Variants in KIT observed in about 807,000 individuals in gnomAD.
KIT encodes KIT proto-oncogene, receptor tyrosine kinase, also known as mast/stem cell growth factor receptor Kit.
A neutral mutation model predicts 105.7 loss-of-function variants in KIT; 16 were observed. The ratio of observed to expected loss-of-function variants is 0.15; its 90% CI spans 0.10 to 0.23. The LOEUF (loss-of-function observed/expected upper bound fraction) is 0.23. KIT is among the 10% of genes least tolerant of loss of function. The probability of loss-of-function intolerance (pLI) is 1.00; values close to 1 mark genes in which losing one functional copy is unlikely to be tolerated. For missense variants in KIT, 858 were observed against 1,213.8 expected (o/e 0.71, Z 4.36); for synonymous variants, 438 against 441.1 (o/e 0.99, Z 0.09).
chr4:54,735,616 G>C (rs1009946868), intron 17 of KIT, among the ~76,000 whole-genome samples: 2 of 152,146 alleles, frequency 1.3e-5, no homozygotes, highest in Admixed American at 1.3e-4. Context: ...CACTGAGTCA[G>C]GCGGTGCTAA....
At chr4:54,697,409 T>C (rs1040131278) in intron 2 of KIT, among the ~76,000 whole-genome samples, 5 of 152,200 alleles carry the variant, frequency 3.3e-5, no homozygotes, top group African/African-American at 9.7e-5. Context: ...GGCCTAAACA[T>C]GTATCTGTAT....
intron 15 of KIT, 30 bp downstream of exon 15, chr4:54,731,449 G>A (rs2109793201): frequency 7.1e-7 from 1 of 1,407,088 alleles, no homozygotes; most frequent in Non-Finnish European, 1.0e-6. Flanking sequence ...GCAACCAAGA[G>A]TAACTTTACA....
intron 6 of KIT, among the ~76,000 whole-genome samples, chr4:54,707,617 A>C (rs1258611977): frequency 6.6e-6 from 1 of 152,184 alleles, no homozygotes; most frequent in Non-Finnish European, 1.5e-5. Flanking sequence ...GAAAAAGGGA[A>C]GTTAGTACCT....
In KIT at chr4:54,731,900, G is replaced by A. The variant is rs201165084; in HGVS notation, c.2263G>A (p.Ala755Thr). 6.4e-5 allele frequency: 103 copies of A among 1,613,368 alleles called. No individual in the cohort carries two copies. The East Asian group carries it at 1.0e-3, about 16-fold the overall frequency. The change falls in exon 16 of 21, where the codon GCC becomes ACC. Residue 755 changes from alanine (A) to threonine (T), a missense_variant. Around this residue, in one of 7 missense-constraint regions of KIT, gnomAD observed 158 missense variants for 218.7 expected, o/e 0.72. Transcript: ENST00000288135. ...ATACATAGAAAGAGATGTGACTCCC[G>A]CCATCATGGAGGATGACGAGTTGGC... ...GSYIERDVTP[A>T]IMEDDELALD...
intron 14 of KIT, 39 bp from the exon 15 acceptor site, chr4:54,731,289 C>G (rs779226350): frequency 1.3e-5 from 19 of 1,423,268 alleles, no homozygotes; most frequent in Non-Finnish European, 1.9e-5. Context: ...TTCTACATGT[C>G]CCACTTGATT....
intron 17 of KIT, among the ~76,000 whole-genome samples, chr4:54,734,759 G>C (rs1722820099): frequency 6.6e-6 from 1 of 152,138 alleles, no homozygotes; most frequent in Admixed American, 6.6e-5. Flanking sequence ...TTTCACATGA[G>C]TTCTTCATTG....
In KIT at chr4:54,699,816, T is replaced by G. The variant is rs1480172116; in HGVS notation, c.756+50T>G. 5 of 1,607,386 alleles carry G rather than the reference T, an allele frequency of 3.1e-6. No individual in the cohort carries two copies. In the East Asian group the frequency reaches 1.1e-4, roughly 36 times the overall value. ...CATGTTCTGTCTCTGTGGGAGATGA[T>G]AAGTTTTCTCTTTCAGAAGAGTCTG... On this transcript the variant is annotated intron_variant, in intron 4 of 20. Coordinates refer to ENST00000288135, the MANE Select transcript of KIT (RefSeq NM_000222.3).
At chr4:54,689,403 T>C (rs1293635313) in intron 1 of KIT, among the ~76,000 whole-genome samples, 2 of 152,162 alleles carry the variant, frequency 1.3e-5, no homozygotes, top group African/African-American at 4.8e-5. Flanking sequence ...TATTGGACAT[T>C]AAAAATGCCT....
intron 1 of KIT, among the ~76,000 whole-genome samples, chr4:54,678,408 C>T (rs560983590): frequency 8.0e-6 from 1 of 125,346 alleles, no homozygotes; most frequent in East Asian, 2.6e-4. Context: ...CTCCCTGCTC[C>T]TTCACGTTGC....
At position 54,707,282 on chromosome 4, in the gene KIT, T is replaced by C. The variant is rs1327879618; in HGVS notation, c.1110T>C (p.Asn370=). 2 of 1,606,838 alleles carry C rather than the reference T, an allele frequency of 1.2e-6. No homozygotes were observed. The highest frequency in any genetic ancestry group is 1.7e-6 in the Non-Finnish European group (2 of 1,173,440). Residue 370 remains asparagine (N), a synonymous_variant, in exon 6 of 21, where the codon AAT becomes AAC. Transcript: ENST00000288135. ...ATCCCAAGTCTGAGAATGAAAGTAA[T>C]ATCAGGTAAGAAATGGACCTTGCCC... ...EDYPKSENES[N]IRYVSELHLT... is the part of the protein sequence containing the mutation.
chr4:54,697,158 G>A (rs1427429047), intron 2 of KIT, among the ~76,000 whole-genome samples: 1 of 152,174 alleles, frequency 6.6e-6, no homozygotes, highest in African/African-American at 2.4e-5. Context: ...ACAAAGAGTA[G>A]ATAAAACAGT....
intron 1 of KIT, among the ~76,000 whole-genome samples, chr4:54,681,626 G>T (rs1156775338): frequency 6.6e-6 from 1 of 152,100 alleles, no homozygotes; most frequent in Non-Finnish European, 1.5e-5. Flanking sequence ...AGCTGAGAAA[G>T]GTCCGTCTTT....
At chr4:54,715,505 G>A (rs534671942) in intron 7 of KIT, among the ~76,000 whole-genome samples, 8 of 152,110 alleles carry the variant, frequency 5.3e-5, no homozygotes, top group Non-Finnish European at 1.2e-4. Flanking sequence ...TGGTGGAAGC[G>A]GAAGGGGAAC....
At position 54,658,074 on chromosome 4, in the gene KIT, C is replaced by T. The variant is rs759662674; in HGVS notation, c.60C>T (p.Val20=). The T allele has an allele frequency of 6.2e-7, 1 of 1,613,940 alleles. No individual in the cohort carries two copies. The highest frequency in any genetic ancestry group is 1.7e-5 in the Admixed American group (1 of 60,036). ...GCGTTCTGCTCCTACTGCTTCGCGT[C>T]CAGACAGGTGGGACACCGCGGCTGG... ...FLCVLLLLLR[V]QTGSSQPSVS... Residue 20 remains valine, a synonymous_variant, in exon 1 of 21, where the codon GTC becomes GTT. Coordinates refer to ENST00000288135, the MANE Select transcript of KIT (RefSeq NM_000222.3).
At position 54,731,967 on chromosome 4, in the gene KIT, C is replaced by G. The variant is rs2109795852; in HGVS notation, c.2330C>G (p.Ala777Gly). The G allele has an allele frequency of 6.2e-7, 1 of 1,612,836 alleles. No homozygotes were observed. The highest frequency in any genetic ancestry group is 8.5e-7 in the Non-Finnish European group (1 of 1,179,612). The stretch of plus-strand genomic sequence containing the variant: ...TTGCTGAGCTTTTCTTACCAGGTGG[C>G]AAAGGGCATGGCTTTCCTCGCCTCC... ...EDLLSFSYQVAKGMAFLASKN... is the reference protein window; with the variant it reads ...EDLLSFSYQVGKGMAFLASKN... Residue 777 changes from alanine to glycine, a missense_variant, in exon 16 of 21, where the codon GCA becomes GGA. Physicochemically the swap from Ala to Gly is moderately conservative, Grantham distance 60. Around this residue, in one of 7 missense-constraint regions of KIT, gnomAD observed 158 missense variants for 218.7 expected, o/e 0.72. Transcript: ENST00000288135.
intron 1 of KIT, among the ~76,000 whole-genome samples, chr4:54,665,456 G>A (rs529813933): frequency 6.6e-6 from 1 of 152,286 alleles, no homozygotes; most frequent in East Asian, 1.9e-4. Context: ...TGAGTGAAGG[G>A]GTAGTGGACC....
At chr4:54,713,994 A>G (rs1406514605) in intron 7 of KIT, among the ~76,000 whole-genome samples, 5 of 152,182 alleles carry the variant, frequency 3.3e-5, no homozygotes, top group Admixed American at 3.3e-4. Context: ...TTCTAGTGGA[A>G]ACTGATAGGA....
chr4:54,715,823 C>T (rs1442460839), intron 7 of KIT, among the ~76,000 whole-genome samples: 1 of 152,146 alleles, frequency 6.6e-6, no homozygotes, highest in African/African-American at 2.4e-5. Flanking sequence ...TCTGGGTCAC[C>T]CACCTGGCTG....
Position 54,740,091 on chromosome 4 carries a change from G to A in KIT, c.*1534G>A, listed in dbSNP as rs1723157650. On this transcript the variant is annotated 3_prime_UTR_variant, in exon 21 of 21. Coordinates refer to ENST00000288135, the MANE Select transcript of KIT (RefSeq NM_000222.3). ...CAATATAAAAGGCAAATGTGTACAT[G>A]GCAGAGTTTGTGTGTTGTCTTGAAA... 1 of 233,538 alleles carries A rather than the reference G, an allele frequency of 4.3e-6. No homozygotes were observed. The highest frequency in any genetic ancestry group is 8.5e-6 in the Non-Finnish European group (1 of 118,028). The allele number at this position is 233,538 out of a possible 1,614,324, so 14.5% of individuals were successfully genotyped here.
Sources: allele counts gnomAD v4.1 joint callset (sites outside exome capture counted in the v4.1 genomes callset), GRCh38; gene constraint gnomAD v4.1.1; regional missense constraint gnomAD v4.1.1; transcripts MANE v1.5; gene names NCBI Gene and HGNC (gene_info 2026-07-23, HGNC 2026-07-21).